The following RANBP2 variants were observed in gnomAD, a reference collection of about 807,000 sequenced individuals.
The protein encoded by RANBP2 is RAN binding protein 2.
In RANBP2, 57 loss-of-function variants were observed where a neutral mutation model predicts 303.6. The observed-to-expected ratio is 0.19, with a 90% CI of 0.15 to 0.23. RANBP2 has a LOEUF of 0.23. Among genes scored for constraint, RANBP2 ranks in the 10% least tolerant of loss-of-function variants. The pLI, the probability that RANBP2 is intolerant of heterozygous loss-of-function variation, is 1.00. For missense variants in RANBP2, 3,138 were observed against 3,780.8 expected (o/e 0.83, Z 4.46); for synonymous variants, 1,167 against 1,301.5 (o/e 0.90, Z 2.23).
chr2:109,360,924 CA>C, the RANBP2 span, among the ~76,000 whole-genome samples: 3 of 152,148 alleles, frequency 2.0e-5, no homozygotes, highest in Non-Finnish European at 2.9e-5. Flanking sequence ...TAAAGTTTCC[CA>C]CCATTAAGTT....
the RANBP2 span, among the ~76,000 whole-genome samples, chr2:109,678,813 C>G: frequency 6.6e-6 from 1 of 152,284 alleles, no homozygotes. Flanking sequence ...CCCTGCTAGT[C>G]TCTGTGGGTA....
the RANBP2 span, among the ~76,000 whole-genome samples, chr2:109,430,247 C>T: frequency 6.6e-6 from 1 of 152,260 alleles, no homozygotes; most frequent in East Asian, 1.9e-4. Context: ...CTGAAGCAAA[C>T]TGTTTTGACA....
the RANBP2 span, chr2:109,613,218 T>C: frequency 7.8e-7 from 1 of 1,279,416 alleles, no homozygotes; most frequent in South Asian, 1.2e-5. Flanking sequence ...GAGATAAATC[T>C]ACAAAAGTAA....
the RANBP2 span, among the ~76,000 whole-genome samples, chr2:108,861,472 C>CTTTTTTTTTTTTTTTTTTTT: frequency 6.5e-5 from 8 of 123,526 alleles, 2 homozygotes; most frequent in South Asian, 5.5e-4. Context: ...AACTTTCTTC[C>CTTTTTTTTTTTTTTTTTTTT]TTTTTTTTTT....
At chr2:109,417,287 CA>C in the RANBP2 span, among the ~76,000 whole-genome samples, 5 of 152,172 alleles carry the variant, frequency 3.3e-5, no homozygotes, top group Admixed American at 3.3e-4. Context: ...CCCCCACCTA[CA>C]CCTCCATGGA....
the RANBP2 span, among the ~76,000 whole-genome samples, chr2:109,177,220 G>A: frequency 1.3e-3 from 200 of 152,290 alleles, no homozygotes; most frequent in Middle Eastern, 3.4e-3. Context: ...AACCAGGGAC[G>A]ATGATAGCTC....
At chr2:108,896,802 T>C in the RANBP2 span, 1 of 1,163,246 alleles carries the variant, frequency 8.6e-7, no homozygotes, top group Admixed American at 2.1e-5. Flanking sequence ...CGGTGACATA[T>C]CACAAAAGCC....
At position 108,735,760 on chromosome 2, in the gene RANBP2, A is replaced by G. The variant is rs767483444; in HGVS notation, c.634A>G (p.Lys212Glu). The change falls in exon 5 of 29, where the codon AAG (lysine) becomes GAG (glutamate). Residue 212 changes from lysine to glutamate, a missense_variant and splice_region_variant. By Grantham distance (56) the Lys-to-Glu change is moderately conservative. Transcript: ENST00000283195. Reference sequence around the variant, plus strand: ...GAATTCGTGTGTTGTACAGACCCTTAAGGTAGATAAAAGCTATTGGGTCTT... The same window carrying G: ...GAATTCGTGTGTTGTACAGACCCTTGAGGTAGATAAAAGCTATTGGGTCTT... ...EWNSCVVQTL[K>E]EYLESLQCLE... The G allele has an allele frequency of 3.1e-6, 5 of 1,597,578 alleles. No homozygotes were observed. In the South Asian group the frequency reaches 5.5e-5, roughly 18 times the overall value.
chr2:109,011,324 T>G, the RANBP2 span, among the ~76,000 whole-genome samples: 1 of 152,200 alleles, frequency 6.6e-6, no homozygotes. Flanking sequence ...CCCTTCTTTA[T>G]TCATAGTTTG....
At chr2:109,256,439 G>A in the RANBP2 span, among the ~76,000 whole-genome samples, 1 of 152,068 alleles carries the variant, frequency 6.6e-6, no homozygotes, top group African/African-American at 2.4e-5. Flanking sequence ...ACTTACCATT[G>A]ACTGAAACAG....
At chr2:109,367,965 G>A in the RANBP2 span, among the ~76,000 whole-genome samples, 3 of 152,208 alleles carry the variant, frequency 2.0e-5, no homozygotes, top group African/African-American at 7.2e-5. Flanking sequence ...TGTGAGTTGG[G>A]TTTATGTTTC....
At chr2:109,158,428 C>T in the RANBP2 span, among the ~76,000 whole-genome samples, 1 of 152,252 alleles carries the variant, frequency 6.6e-6, no homozygotes, top group African/African-American at 2.4e-5. Flanking sequence ...CATTGGGCAC[C>T]ATCCTGGGGG....
the RANBP2 span, among the ~76,000 whole-genome samples, chr2:109,212,582 G>C: frequency 6.6e-6 from 1 of 152,112 alleles, no homozygotes; most frequent in Non-Finnish European, 1.5e-5. Context: ...AGGAGAAGTC[G>C]GCTGACCCAC....
the RANBP2 span, among the ~76,000 whole-genome samples, chr2:109,632,877 C>T: frequency 2.0e-5 from 3 of 151,956 alleles, no homozygotes; most frequent in African/African-American, 7.2e-5. Flanking sequence ...AGATGAAACA[C>T]ACACTAATCA....
the RANBP2 span, among the ~76,000 whole-genome samples, chr2:108,919,547 G>A: frequency 1.1e-4 from 16 of 152,200 alleles, no homozygotes; most frequent in African/African-American, 3.6e-4. Flanking sequence ...TAGTAGAGAC[G>A]GGTTTTCTCC....
chr2:109,208,407 A>G, the RANBP2 span, among the ~76,000 whole-genome samples: 3 of 152,208 alleles, frequency 2.0e-5, no homozygotes, highest in African/African-American at 7.2e-5. Flanking sequence ...TGCTTCCTGT[A>G]TCTTGGAACA....
chr2:109,279,749 A>T, the RANBP2 span, among the ~76,000 whole-genome samples: 6 of 82,788 alleles, frequency 7.2e-5, no homozygotes, highest in African/African-American at 2.5e-4. Flanking sequence ...GGGAGCAGTG[A>T]CGCGAAACTT....
chr2:108,779,323 C>T (rs1014596883), intron 25 of RANBP2, among the ~76,000 whole-genome samples: 8 of 151,936 alleles, frequency 5.3e-5, no homozygotes, highest in Admixed American at 2.6e-4. Context: ...TGCAACACCC[C>T]GCTAATTCTT....
chr2:109,281,961 G>A, the RANBP2 span, among the ~76,000 whole-genome samples: 2 of 152,108 alleles, frequency 1.3e-5, no homozygotes, highest in Non-Finnish European at 2.9e-5. Context: ...TAGAGCAGAA[G>A]CCCAATGGCC....
Sources: allele counts gnomAD v4.1 joint callset (sites outside exome capture counted in the v4.1 genomes callset), GRCh38; gene constraint gnomAD v4.1.1; transcripts MANE v1.5; gene names NCBI Gene and HGNC (gene_info 2026-07-23, HGNC 2026-07-21).